Variants in ZNF585B observed in about 807,000 individuals in gnomAD.
The protein encoded by ZNF585B is zinc finger protein 41-like protein.
ZNF585B carries 7 observed loss-of-function variants against 14.0 expected under a neutral mutation model. The ratio of observed to expected loss-of-function variants is 0.50; its 90% CI spans 0.28 to 0.94. ZNF585B has a LOEUF of 0.94. Among genes scored for constraint, ZNF585B ranks in the 40% least tolerant of loss-of-function variants. ZNF585B has a pLI of 0.09. For missense variants in ZNF585B, 750 were observed against 924.4 expected, an observed-to-expected ratio of 0.81 and a Z score of 2.45; for synonymous variants, 290 against 317.3, an observed-to-expected ratio of 0.91 and a Z score of 0.91.
Position 37,186,460 on chromosome 19 carries a change from A to C in ZNF585B, c.1077T>G (p.Cys359Trp). The part of the protein sequence containing the change: ...SREKSSICTE[C>W]GKAFTYRSEL... ...CTGACCTGTAGGTAAAGGCCTTCCCACACTCAGTACATATGGAAGATTTCT... is the reference window on the plus strand; with the variant it reads ...CTGACCTGTAGGTAAAGGCCTTCCCCCACTCAGTACATATGGAAGATTTCT... The change falls in exon 5 of 5, where the codon TGT becomes TGG. Residue 359 changes from cysteine (C) to tryptophan (W), a missense_variant. Physicochemically the swap from Cys to Trp is radical, Grantham distance 215 (BLOSUM62 -2). Coordinates refer to ENST00000532828, the MANE Select transcript of ZNF585B (RefSeq NM_152279.4). The C allele has an allele frequency of 6.2e-7, 1 of 1,614,158 alleles. No homozygotes were observed. Among genetic ancestry groups the C allele is most frequent in the South Asian group, 1.1e-5 (1 of 91,076 alleles).
intron 1 of ZNF585B, among the ~76,000 whole-genome samples, chr19:37,208,130 G>A (rs985865929): frequency 8.5e-5 from 13 of 152,162 alleles, no homozygotes; most frequent in East Asian, 3.9e-4. Flanking sequence ...GCGACACCAC[G>A]CCCAGCTAAT....
At chr19:37,200,094 A>G (rs1052547108) in intron 2 of ZNF585B, among the ~76,000 whole-genome samples, 10 of 136,356 alleles carry the variant, frequency 7.3e-5, no homozygotes, top group African/African-American at 2.5e-4. Flanking sequence ...AATAAAATAA[A>G]ATAATTAAAC....
intron 2 of ZNF585B, among the ~76,000 whole-genome samples, chr19:37,195,217 G>A (rs563473200): frequency 5.5e-4 from 83 of 151,228 alleles, no homozygotes; most frequent in Non-Finnish European, 8.1e-4. Flanking sequence ...GTGGTGGCAC[G>A]CACCTGTAGT....
chr19:37,201,880 G>A (rs779631923), intron 2 of ZNF585B, among the ~76,000 whole-genome samples: 1 of 152,022 alleles, frequency 6.6e-6, no homozygotes. Context: ...CATTACTTCT[G>A]ATATACAGTA....
intron 2 of ZNF585B, among the ~76,000 whole-genome samples, chr19:37,200,541 TTC>T (rs1299060288): frequency 1.5e-5 from 2 of 135,270 alleles, no homozygotes; most frequent in African/African-American, 2.8e-5. Context: ...CAGAGCAAGA[TTC>T]TGTCTCAAAA....
rs1972595586 is a variant in ZNF585B at position 37,207,167 on chromosome 19, C to G, written c.-56G>C. The G allele has an allele frequency of 6.2e-7, 1 of 1,611,150 alleles. No homozygotes were observed. Among genetic ancestry groups the G allele is most frequent in the Non-Finnish European group, 8.5e-7 (1 of 1,179,434 alleles). ...AGGGTGCCTGAAGTTTAGTGGTCAT[C>G]TGTGAACTCAGCAGAGCTGCTCCGA... On this transcript the variant is annotated 5_prime_UTR_variant, in exon 2 of 5. Transcript: ENST00000532828.
chr19:37,190,139 G>A lies in ZNF585B; in HGVS notation c.84C>T (p.Ser28=). ...DHGSSYEGSV[S]FRDVAIDFSR... The stretch of plus-strand genomic sequence containing the variant: ...TGAAATCGATAGCCACATCCCTGAA[G>A]GACACTGATCCCTGTAAGGGCACAT... Residue 28 remains serine (S), a synonymous_variant, in exon 3 of 5, where the codon TCC becomes TCT. Transcript: ENST00000532828. 1 of 1,614,156 alleles carries A rather than the reference G, an allele frequency of 6.2e-7. No individual in the cohort carries two copies.
At chr19:37,198,094 G>A (rs1294282313) in intron 2 of ZNF585B, among the ~76,000 whole-genome samples, 1 of 152,168 alleles carries the variant, frequency 6.6e-6, no homozygotes, top group Non-Finnish European at 1.5e-5. Context: ...ATACGAGGGT[G>A]TACACTAGGT....
Position 37,185,595 on chromosome 19 carries a change from T to G in ZNF585B, c.1942A>C (p.Asn648His), listed in dbSNP as rs753183297. The G allele has an allele frequency of 6.2e-7, 1 of 1,613,920 alleles. No homozygotes were observed. Among genetic ancestry groups the G allele is most frequent in the South Asian group, 1.1e-5 (1 of 91,058 alleles). ...ECGKAFSGRS[N>H]LSKHQKTHTG... is the part of the protein sequence containing the mutation. Reference sequence around the variant, plus strand: ...TGAGTTTTCTGGTGCTTACTGAGATTTGACCTGCCACTAAAGGCTTTCCCA... The same window carrying G: ...TGAGTTTTCTGGTGCTTACTGAGATGTGACCTGCCACTAAAGGCTTTCCCA... The change falls in exon 5 of 5, where the codon AAT (asparagine) becomes CAT (histidine). Residue 648 changes from asparagine (N) to histidine (H), a missense_variant. Physicochemically the swap from Asn to His is moderately conservative, Grantham distance 68 (BLOSUM62 1). Around this residue, in one of 2 missense-constraint regions of ZNF585B, gnomAD observed 233 missense variants for 354.1 expected, o/e 0.66. Transcript: ENST00000532828.
In ZNF585B at chr19:37,185,500, T is replaced by G. The variant is rs755462793; in HGVS notation, c.2037A>C (p.Thr679=). ...TCTCTCCAGTATGAATTCTGTGATG[T>G]GTAATCAACTCTGACTTCTGTCGAA... ...KTFRQKSELI[T]HHRIHTGEKP... The change falls in exon 5 of 5, where the codon ACA becomes ACC. Residue 679 remains threonine, a synonymous_variant. Transcript: ENST00000532828. 6.8e-6 allele frequency: 11 copies of G among 1,611,040 alleles called. No individual in the cohort carries two copies. Among genetic ancestry groups the G allele is most frequent in the Non-Finnish European group, 9.3e-6 (11 of 1,179,024 alleles).
intron 2 of ZNF585B, among the ~76,000 whole-genome samples, chr19:37,196,464 G>T (rs1025305935): frequency 1.3e-5 from 2 of 152,168 alleles, no homozygotes; most frequent in East Asian, 3.8e-4. Context: ...GAGAGAATGT[G>T]AATTACAGTT....
At chr19:37,202,161 C>G (rs1180154789) in intron 2 of ZNF585B, among the ~76,000 whole-genome samples, 1 of 151,904 alleles carries the variant, frequency 6.6e-6, no homozygotes, top group African/African-American at 2.4e-5. Context: ...ATTACAGGCG[C>G]CCGCCTAATT....
intron 2 of ZNF585B, among the ~76,000 whole-genome samples, chr19:37,204,459 G>C (rs1384912876): frequency 2.0e-5 from 3 of 152,224 alleles, no homozygotes; most frequent in Non-Finnish European, 4.4e-5. Context: ...GACCATCATG[G>C]TGTAAGATGA....
rs1028243430 is a variant in ZNF585B at position 37,185,253 on chromosome 19, T to C, written c.2284A>G (p.Ser762Gly). 6 of 1,613,784 alleles carry C rather than the reference T, an allele frequency of 3.7e-6. No individual in the cohort carries two copies. In the African/African-American group the frequency reaches 5.3e-5, roughly 14 times the overall value. ...CAAGCGTGGCTGCTCTGATGAACAC[T>C]GAACACTGATTTCTGAACGAAGCCT... Reference protein sequence around the residue: ...GKGFVQKSVFSVHQSSHA With the variant: ...GKGFVQKSVFGVHQSSHA Residue 762 changes from serine (S) to glycine (G), a missense_variant, in exon 5 of 5, where the codon AGT becomes GGT. Physicochemically the swap from Ser to Gly is moderately conservative, Grantham distance 56. This residue lies in a region of ZNF585B where 233 missense variants were observed against 354.1 expected (regional missense o/e 0.66). Transcript: ENST00000532828.
At chr19:37,205,898 G>T (rs1227684739) in intron 2 of ZNF585B, among the ~76,000 whole-genome samples, 2 of 151,898 alleles carry the variant, frequency 1.3e-5, no homozygotes, top group Non-Finnish European at 2.9e-5. Context: ...TGGCCCAGAT[G>T]GTGAAACACC....
chr19:37,195,978 A>T (rs1182124609), intron 2 of ZNF585B: 1 of 152,362 alleles, frequency 6.6e-6, no homozygotes, highest in African/African-American at 2.4e-5. Context: ...GTGAGCCAAG[A>T]TTGTGCCACT....
At chr19:37,187,705 C>T (rs1473034136) in intron 4 of ZNF585B, among the ~76,000 whole-genome samples, 1 of 151,544 alleles carries the variant, frequency 6.6e-6, no homozygotes, top group Non-Finnish European at 1.5e-5. Context: ...TCACTTTTTG[C>T]TTATAGAGCA....
chr19:37,206,997 C>T (rs763292461), intron 2 of ZNF585B, 43 bp downstream of exon 2: 1 of 1,611,648 alleles, frequency 6.2e-7, no homozygotes, highest in Non-Finnish European at 8.5e-7. Context: ...GAGCTATCTA[C>T]TCTTGGACTG....
rs1972285820 is a variant in ZNF585B, at chr19:37,183,661, GGCACT to G, written c.*1561_*1565del. ...ATAAAGAATTGTGCTCTTTGCAACG[GGCACT>G]GCAAATACAAAGGCCCTGAGTCAGG... is the stretch of plus-strand genomic sequence containing the variant. On this transcript the variant is annotated 3_prime_UTR_variant, in exon 5 of 5. Transcript: ENST00000532828. 6.6e-6 allele frequency: 1 copy of G among 152,182 alleles called. No homozygotes were observed. The highest frequency in any genetic ancestry group is 6.6e-5 in the Admixed American group (1 of 15,264). 9.4% of individuals were successfully genotyped at this position (152,182 alleles called of 1,614,324 possible).
Sources: allele counts gnomAD v4.1 joint callset (sites outside exome capture counted in the v4.1 genomes callset), GRCh38; gene constraint gnomAD v4.1.1; regional missense constraint gnomAD v4.1.1; transcripts MANE v1.5; gene names NCBI Gene and HGNC (gene_info 2026-07-23, HGNC 2026-07-21).